The following PRDM14 variants were observed in gnomAD, a reference collection of about 807,000 sequenced individuals.
PRDM14 encodes PR/SET domain 14.
A neutral mutation model predicts 48.0 loss-of-function variants in PRDM14; 16 were observed. The ratio of observed to expected loss-of-function variants is 0.33; its 90% CI spans 0.23 to 0.51. The LOEUF (loss-of-function observed/expected upper bound fraction) is 0.51. Among genes scored for constraint, PRDM14 ranks in the 20% least tolerant of loss-of-function variants. The pLI, the probability that PRDM14 is intolerant of heterozygous loss-of-function variation, is 0.97. For synonymous variants in PRDM14, 264 were observed against 276.6 expected, an observed-to-expected ratio of 0.95 and a Z score of 0.45; for missense variants, 566 against 719.6, an observed-to-expected ratio of 0.79 and a Z score of 2.44.
intron 5 of PRDM14, among the ~76,000 whole-genome samples, chr8:70,065,342 T>C (rs956753396): frequency 1.3e-5 from 2 of 152,136 alleles, no homozygotes; most frequent in Admixed American, 6.5e-5. Context: ...ATTTATCTTG[T>C]CCCACCTACT....
Position 70,052,074 on chromosome 8 carries a change from G to A in PRDM14, c.*3C>T. Reference sequence around the variant, plus strand: ...CAGGCGTGAGTCATTGTGCCTGGCAGGGCTAGTAGTCTTCATGAAACTTCA... The same window carrying A: ...CAGGCGTGAGTCATTGTGCCTGGCAAGGCTAGTAGTCTTCATGAAACTTCA... On this transcript the variant is annotated 3_prime_UTR_variant, in exon 8 of 8. Transcript: ENST00000276594. The A allele has an allele frequency of 6.3e-7, 1 of 1,586,550 alleles. No homozygotes were observed. The highest frequency in any genetic ancestry group is 8.6e-7 in the Non-Finnish European group (1 of 1,162,378).
At chr8:70,067,310 G>C (rs1020582803) in intron 4 of PRDM14, among the ~76,000 whole-genome samples, 2 of 152,116 alleles carry the variant, frequency 1.3e-5, no homozygotes, top group Admixed American at 6.6e-5. Context: ...CATGAGGTCA[G>C]GAGTTCGAGA....
At chr8:70,053,282 A>AT (rs1805419556) in intron 7 of PRDM14, among the ~76,000 whole-genome samples, 1 of 152,058 alleles carries the variant, frequency 6.6e-6, no homozygotes, top group Admixed American at 6.6e-5. Context: ...CCAGAAGCTA[A>AT]TATCGGCCAG....
rs1312954167 is a variant in PRDM14, at chr8:70,052,155, G to A, written c.1638C>T (p.Cys546=). 1.2e-6 allele frequency: 2 copies of A among 1,613,240 alleles called. No individual in the cohort carries two copies. The highest frequency in any genetic ancestry group is 1.7e-6 in the Non-Finnish European group (2 of 1,179,888). ...VRRSHKEDDG[C]SCSICGKIFS... ...AGATTTTCCCACAGATGCTGCATGA[G>A]CAGCCATCATCCTCCTTGTGTGAAC... The change falls in exon 8 of 8, where the codon TGC becomes TGT. Residue 546 remains cysteine (C), a synonymous_variant. Transcript: ENST00000276594.
At chr8:70,056,557 C>T (rs919813983) in intron 6 of PRDM14, among the ~76,000 whole-genome samples, 2 of 152,066 alleles carry the variant, frequency 1.3e-5, no homozygotes, top group Admixed American at 1.3e-4. Context: ...TCTCGGCCCA[C>T]CGCAACCTCT....
At chr8:70,052,960 A>G (rs143823502) in intron 7 of PRDM14, among the ~76,000 whole-genome samples, 1 of 150,616 alleles carries the variant, frequency 6.6e-6, no homozygotes, top group Non-Finnish European at 1.5e-5. Context: ...TTACCTAGGC[A>G]TGGTAGCATG....
chr8:70,062,422 A>G (rs2131039424), intron 5 of PRDM14, among the ~76,000 whole-genome samples: 1 of 152,234 alleles, frequency 6.6e-6, no homozygotes, highest in African/African-American at 2.4e-5. Flanking sequence ...ATAATGAGGT[A>G]TCTTGGGGAT....
chr8:70,052,310 G>A lies in PRDM14; in HGVS notation c.1489-6C>T, dbSNP rs1362209890. On this transcript the variant is annotated splice_region_variant and splice_polypyrimidine_tract_variant and intron_variant, in intron 7 of 7. Transcript: ENST00000276594. ...ATGCTGGAGGCTGTGAACCTCTGCA[G>A]AGAACAGAAATACAGAACACAAGAA... is the stretch of plus-strand genomic sequence containing the variant. 2 of 1,602,708 alleles carry A rather than the reference G, an allele frequency of 1.2e-6. No individual in the cohort carries two copies. Among genetic ancestry groups the A allele is most frequent in the African/African-American group, 1.3e-5 (1 of 74,658 alleles).
In PRDM14 at chr8:70,058,649, C is replaced by T. The variant is rs1160583184; in HGVS notation, c.1377G>A (p.Arg459=). The change falls in exon 6 of 8, where the codon CGG becomes CGA. Residue 459 remains arginine, a synonymous_variant. Transcript: ENST00000276594. ...IHILHVHEKH[R]PHKCSTCGKC... is the part of the protein sequence containing the mutation. ...TCCTCCTAATACTCACCTTGTGAGG[C>T]CGGTGCTTCTCATGAACATGAAGAA... The T allele has an allele frequency of 1.9e-6, 3 of 1,613,502 alleles. No individual in the cohort carries two copies. The highest frequency in any genetic ancestry group is 8.5e-7 in the Non-Finnish European group (1 of 1,179,776).
chr8:70,059,155 A>C (rs760615555), intron 5 of PRDM14, among the ~76,000 whole-genome samples: 15 of 152,056 alleles, frequency 9.9e-5, no homozygotes, highest in Non-Finnish European at 1.6e-4. Flanking sequence ...GGGTTTCATC[A>C]TGTTGGCCAG....
intron 6 of PRDM14, 66 bp from the exon 7 acceptor site, chr8:70,055,467 C>A (rs767838198): frequency 5.5e-6 from 5 of 903,836 alleles, no homozygotes; most frequent in Middle Eastern, 2.2e-4. Context: ...TTCAACCTTG[C>A]GTTTACCTGG....
At chr8:70,061,618 C>T (rs1206097283) in intron 5 of PRDM14, among the ~76,000 whole-genome samples, 5 of 152,108 alleles carry the variant, frequency 3.3e-5, no homozygotes, top group African/African-American at 7.2e-5. Flanking sequence ...ACCTGGCCTT[C>T]CTGCTTCCTG....
chr8:70,070,358 G>A (rs1040215553), intron 1 of PRDM14, among the ~76,000 whole-genome samples: 2 of 152,146 alleles, frequency 1.3e-5, no homozygotes, highest in Admixed American at 1.3e-4. Context: ...GGCGGTCGGA[G>A]GGCAATGGAG....
intron 5 of PRDM14, among the ~76,000 whole-genome samples, chr8:70,063,821 C>A (rs1374635684): frequency 2.6e-5 from 4 of 152,130 alleles, no homozygotes; most frequent in African/African-American, 9.7e-5. Flanking sequence ...CCACGCCCAG[C>A]CTGTTGACTT....
intron 2 of PRDM14, 110 bp from the exon 3 acceptor site, chr8:70,068,642 T>C: frequency 1.1e-6 from 1 of 886,588 alleles, no homozygotes; most frequent in Non-Finnish European, 1.8e-6. Context: ...CCCAGTTTGA[T>C]ATTTATTTGT....
intron 7 of PRDM14, among the ~76,000 whole-genome samples, chr8:70,053,435 G>A (rs941948816): frequency 6.6e-6 from 1 of 152,102 alleles, no homozygotes; most frequent in Non-Finnish European, 1.5e-5. Flanking sequence ...CCATCACCCA[G>A]GTTGGAGTGC....
intron 5 of PRDM14, among the ~76,000 whole-genome samples, chr8:70,063,573 G>A (rs1229349324): frequency 6.6e-6 from 1 of 151,632 alleles, no homozygotes; most frequent in Admixed American, 6.6e-5. Flanking sequence ...ACCCAGGCTG[G>A]AGTGCAGTGG....
intron 5 of PRDM14, among the ~76,000 whole-genome samples, chr8:70,059,367 G>C (rs1393946958): frequency 6.6e-6 from 1 of 151,112 alleles, no homozygotes; most frequent in Non-Finnish European, 1.5e-5. Context: ...CACCTCCCGG[G>C]TTCAAGTGAT....
chr8:70,064,886 C>G (rs543064305), intron 5 of PRDM14, among the ~76,000 whole-genome samples: 1 of 149,718 alleles, frequency 6.7e-6, no homozygotes, highest in Non-Finnish European at 1.5e-5. Flanking sequence ...CCTTCTCTCT[C>G]TCTCTTTTTT....
Sources: gnomAD v4.1 joint callset for allele counts (sites outside exome capture counted in the v4.1 genomes callset) on GRCh38, gnomAD v4.1.1 for gene constraint, MANE v1.5 for transcripts, NCBI Gene and HGNC (gene_info 2026-07-23, HGNC 2026-07-21) for gene names.